The following SIK3 variants were observed in gnomAD, a reference collection of about 807,000 sequenced individuals.
SIK3 encodes serine/threonine-protein kinase SIK3.
A neutral mutation model predicts 144.2 loss-of-function variants in SIK3; 28 were observed. The observed-to-expected ratio is 0.19, with a 90% confidence interval of 0.14 to 0.27. The LOEUF is 0.27. SIK3 is among the 10% of genes least tolerant of loss of function. The pLI is 1.00. For synonymous variants in SIK3, 686 were observed against 676.3 expected, an observed-to-expected ratio of 1.01 and a Z score of -0.22; for missense variants, 1,319 against 1,776.0, an observed-to-expected ratio of 0.74 and a Z score of 4.62.
intron 6 of SIK3, among the ~76,000 whole-genome samples, chr11:116,885,027 A>G (rs1944743116): frequency 6.6e-6 from 1 of 152,262 alleles, no homozygotes; most frequent in African/African-American, 2.4e-5. Context: ...CAACAGTAAG[A>G]TATCAGAAAA....
At chr11:117,019,150 G>C (rs1951660937) in intron 1 of SIK3, among the ~76,000 whole-genome samples, 2 of 151,938 alleles carry the variant, frequency 1.3e-5, no homozygotes, top group Admixed American at 1.3e-4. Flanking sequence ...CTCCCAAGTA[G>C]CTGGGACTAC....
intron 1 of SIK3, among the ~76,000 whole-genome samples, chr11:116,957,432 T>C (rs1949181877): frequency 6.6e-6 from 1 of 152,136 alleles, no homozygotes. Context: ...AAGCTTTAAA[T>C]AAAATAAAAA....
chr11:117,056,689 CTTG>C (rs1422404817), intron 1 of SIK3, among the ~76,000 whole-genome samples: 2 of 152,006 alleles, frequency 1.3e-5, no homozygotes, highest in Non-Finnish European at 1.5e-5. Flanking sequence ...AAAGTATAAA[CTTG>C]TCTGGAGGAT....
chr11:117,047,702 G>A (rs906111431), intron 1 of SIK3, among the ~76,000 whole-genome samples: 1 of 152,092 alleles, frequency 6.6e-6, no homozygotes, highest in African/African-American at 2.4e-5. Flanking sequence ...CCAGCACTTC[G>A]GAGGCCGAGG....
intron 4 of SIK3, among the ~76,000 whole-genome samples, chr11:116,911,480 C>G (rs1270860007): frequency 6.6e-6 from 1 of 151,584 alleles, no homozygotes; most frequent in Admixed American, 6.6e-5. Flanking sequence ...GAACTCCAGC[C>G]TGGGCAAGAC....
chr11:117,004,874 C>A (rs1160944836), intron 1 of SIK3, among the ~76,000 whole-genome samples: 1 of 152,058 alleles, frequency 6.6e-6, no homozygotes, highest in Non-Finnish European at 1.5e-5. Context: ...GTCCCAAAAC[C>A]AAAGCTTTCT....
chr11:116,881,336 G>T (rs1432245250), intron 6 of SIK3, among the ~76,000 whole-genome samples: 1 of 151,986 alleles, frequency 6.6e-6, no homozygotes, highest in African/African-American at 2.4e-5. Flanking sequence ...AGCGGTCTCC[G>T]CAGTGAGAGT....
chr11:117,013,967 C>CCTTTTTTTTTTTT, intron 1 of SIK3, among the ~76,000 whole-genome samples: 1 of 7,372 alleles, frequency 1.4e-4, no homozygotes, highest in Non-Finnish European at 3.3e-4. Context: ...TTCTTTTTTT[C>CCTTTTTTTTTTTT]TTTTCTTTTT....
At chr11:116,967,805 C>G (rs1007778700) in intron 1 of SIK3, among the ~76,000 whole-genome samples, 1 of 152,150 alleles carries the variant, frequency 6.6e-6, no homozygotes, top group African/African-American at 2.4e-5. Flanking sequence ...CCCTGAGCAG[C>G]CTGGAGTAAG....
At chr11:116,920,451 G>A (rs191998410) in intron 4 of SIK3, among the ~76,000 whole-genome samples, 51 of 152,156 alleles carry the variant, frequency 3.4e-4, no homozygotes, top group African/African-American at 1.2e-3. Flanking sequence ...AGTACCTCTC[G>A]CACAAATCAT....
At chr11:117,094,887 T>C (rs1955404051) in intron 1 of SIK3, among the ~76,000 whole-genome samples, 2 of 152,212 alleles carry the variant, frequency 1.3e-5, no homozygotes, top group South Asian at 2.1e-4. Flanking sequence ...CCAAAGTATG[T>C]CACAGCTGAA....
intron 1 of SIK3, among the ~76,000 whole-genome samples, chr11:117,023,600 ACAAAC>A (rs1565567554): frequency 1.9e-5 from 1 of 51,918 alleles, no homozygotes; most frequent in Non-Finnish European, 3.6e-5. Context: ...AAACAAACAA[ACAAAC>A]AAACAAAAAA....
chr11:116,912,100 C>A (rs2044741836), intron 4 of SIK3, among the ~76,000 whole-genome samples: 1 of 152,212 alleles, frequency 6.6e-6, no homozygotes, highest in Non-Finnish European at 1.5e-5. Context: ...ACCCCCAACA[C>A]CCTAGTTGGT....
chr11:117,009,319 G>A (rs531580232), intron 1 of SIK3, among the ~76,000 whole-genome samples: 2 of 151,940 alleles, frequency 1.3e-5, no homozygotes, highest in South Asian at 4.2e-4. Context: ...GCCAAGGAGG[G>A]AAGATTGCTT....
chr11:117,068,333 T>C (rs1488553347), intron 1 of SIK3, among the ~76,000 whole-genome samples: 1 of 152,142 alleles, frequency 6.6e-6, no homozygotes. Flanking sequence ...CCAATCCAAA[T>C]TCATCTATTC....
At position 117,006,895 on chromosome 11, in the gene SIK3, C is replaced by A. The variant is rs1951068955; in HGVS notation, c.274-49831G>T. Among the ~76,000 whole-genome samples, 3 of 152,138 alleles carry A rather than the reference C, an allele frequency of 2.0e-5. No individual in the cohort carries two copies. In the South Asian group the frequency reaches 6.2e-4, roughly 31 times the overall value. ...ATCTTGTTATTAAATACTATTAATA[C>A]ACTTACCATAAAGGAAAATAAAGTG... On this transcript the variant is annotated intron_variant, in intron 1 of 24. Coordinates refer to ENST00000445177, the MANE Select transcript of SIK3 (RefSeq NM_001366686.3).
Position 117,069,820 on chromosome 11 carries a change from C to T in SIK3, c.273+28323G>A, listed in dbSNP as rs1453935890. ...CAGCCTCCCTCCTTCACATTTAAGT[C>T]GCCACATTCATTTACTACTCAGGAA... On this transcript the variant is annotated intron_variant, in intron 1 of 24. Transcript: ENST00000445177. Among the ~76,000 whole-genome samples the T allele has an allele frequency of 3.9e-5, 6 of 152,232 alleles. 1 individual carries two copies. The highest frequency in any genetic ancestry group is 3.3e-4 in the Admixed American group (5 of 15,288).
intron 1 of SIK3, among the ~76,000 whole-genome samples, chr11:117,079,516 A>G (rs10736487): frequency 0.85 from 129,045 of 152,092 alleles, 55,370 homozygotes; most frequent in Non-Finnish European, 0.89. Context: ...TGCCCTCATG[A>G]GACTTACAGT....
chr11:117,050,029 G>A (rs757097607), intron 1 of SIK3, among the ~76,000 whole-genome samples: 1 of 151,834 alleles, frequency 6.6e-6, no homozygotes, highest in African/African-American at 2.4e-5. Flanking sequence ...AGTGGCTCAC[G>A]CCTGTAATCC....
Sources: allele counts gnomAD v4.1 joint callset (sites outside exome capture counted in the v4.1 genomes callset), GRCh38; gene constraint gnomAD v4.1.1; transcripts MANE v1.5; gene names NCBI Gene and HGNC (gene_info 2026-07-23, HGNC 2026-07-21).